The following SPAG16 variants were observed in gnomAD, a reference collection of about 807,000 sequenced individuals.
SPAG16 encodes the protein sperm associated antigen 16, also known as sperm-associated antigen 16 protein.
SPAG16 carries 86 observed loss-of-function variants against 80.4 expected under a neutral mutation model. The ratio of observed to expected loss-of-function variants is 1.07; its 90% CI spans 0.90 to 1.28. The LOEUF is 1.28. Among genes scored for constraint, SPAG16 ranks in the 50% most tolerant of loss-of-function variants. SPAG16 has a pLI of 0.00. For synonymous variants in SPAG16, 294 were observed against 265.9 expected, an observed-to-expected ratio of 1.11 and a Z score of -1.03; for missense variants, 870 against 765.3, an observed-to-expected ratio of 1.14 and a Z score of -1.61.
intron 7 of SPAG16, among the ~76,000 whole-genome samples, chr2:213,353,071 T>G (rs1243505859): frequency 6.6e-6 from 1 of 152,222 alleles, no homozygotes; most frequent in Non-Finnish European, 1.5e-5. Flanking sequence ...TAGCTTAAAG[T>G]CTACAGGCTA....
At chr2:214,337,937 T>G (rs1266181767) in intron 15 of SPAG16, among the ~76,000 whole-genome samples, 1 of 152,188 alleles carries the variant, frequency 6.6e-6, no homozygotes, top group African/African-American at 2.4e-5. Context: ...AGAACTTGGA[T>G]TCCTGCTAGA....
intron 9 of SPAG16, among the ~76,000 whole-genome samples, chr2:213,473,289 G>A (rs914710428): frequency 4.6e-5 from 7 of 152,008 alleles, no homozygotes; most frequent in African/African-American, 1.2e-4. Context: ...GTTGAGTGTC[G>A]CCACTTGGTC....
intron 3 of SPAG16, among the ~76,000 whole-genome samples, chr2:213,303,657 C>A (rs1290396000): frequency 6.6e-6 from 1 of 152,004 alleles, no homozygotes; most frequent in Non-Finnish European, 1.5e-5. Context: ...CTGACTTATT[C>A]CACTTACATA....
At chr2:213,880,044 T>C (rs1260494637) in intron 11 of SPAG16, among the ~76,000 whole-genome samples, 1 of 152,192 alleles carries the variant, frequency 6.6e-6, no homozygotes, top group Non-Finnish European at 1.5e-5. Flanking sequence ...TTTTAAGTTT[T>C]TGAGAAATCT....
intron 15 of SPAG16, chr2:214,238,705 C>A (rs139484867): frequency 4.1e-4 from 62 of 149,848 alleles, no homozygotes; most frequent in African/African-American, 1.5e-3. Context: ...CTACCTCTTC[C>A]CACAAAATCT....
At chr2:214,197,321 C>A (rs1050271319) in intron 15 of SPAG16, among the ~76,000 whole-genome samples, 3 of 151,822 alleles carry the variant, frequency 2.0e-5, no homozygotes, top group African/African-American at 7.2e-5. Flanking sequence ...AGTTTATATT[C>A]CCATTTTGGC....
At chr2:214,027,072 A>C (rs1170899051) in intron 13 of SPAG16, among the ~76,000 whole-genome samples, 1 of 151,578 alleles carries the variant, frequency 6.6e-6, no homozygotes, top group Non-Finnish European at 1.5e-5. Context: ...TCATTATCAC[A>C]CAAGTAAAAC....
intron 10 of SPAG16, among the ~76,000 whole-genome samples, chr2:213,712,148 CATGTAT>C (rs1302178842): frequency 6.6e-5 from 10 of 151,990 alleles, no homozygotes; most frequent in Non-Finnish European, 1.0e-4. Flanking sequence ...TGTATGTATA[CATGTAT>C]ATGTATATAC....
At chr2:214,133,135 A>AG (rs1412002659) in intron 14 of SPAG16, among the ~76,000 whole-genome samples, 1 of 150,106 alleles carries the variant, frequency 6.7e-6, no homozygotes, top group Non-Finnish European at 1.5e-5. Context: ...ATAATAAAAA[A>AG]AAAACCTACC....
chr2:213,672,988 G>A (rs944612148), intron 10 of SPAG16, among the ~76,000 whole-genome samples: 2 of 151,898 alleles, frequency 1.3e-5, no homozygotes, highest in African/African-American at 4.8e-5. Context: ...CAATGATCAG[G>A]TCTTTAACTT....
At chr2:213,934,999 G>A (rs1212759190) in intron 12 of SPAG16, among the ~76,000 whole-genome samples, 5 of 151,848 alleles carry the variant, frequency 3.3e-5, no homozygotes, top group African/African-American at 9.7e-5. Flanking sequence ...TCAGGAGATC[G>A]AGACCATCCT....
At chr2:213,383,369 A>G (rs1424905060) in intron 9 of SPAG16, among the ~76,000 whole-genome samples, 1 of 152,126 alleles carries the variant, frequency 6.6e-6, no homozygotes, top group African/African-American at 2.4e-5. Flanking sequence ...TTCTAGCTCT[A>G]CTTGTTCCTG....
chr2:214,359,572 A>T (rs1048476706), intron 15 of SPAG16, among the ~76,000 whole-genome samples: 2 of 151,898 alleles, frequency 1.3e-5, no homozygotes, highest in Admixed American at 6.6e-5. Flanking sequence ...TTCTTCATCA[A>T]TTGCAGATGA....
chr2:213,313,816 C>T (rs763041408), intron 4 of SPAG16, among the ~76,000 whole-genome samples: 3 of 151,616 alleles, frequency 2.0e-5, no homozygotes, highest in Non-Finnish European at 4.4e-5. Context: ...GTGATAGTCG[C>T]GATAGTGCTG....
At chr2:213,372,492 G>T (rs1459869347) in intron 8 of SPAG16, among the ~76,000 whole-genome samples, 1 of 151,990 alleles carries the variant, frequency 6.6e-6, no homozygotes, top group African/African-American at 2.4e-5. Context: ...TTAATTAATT[G>T]CTGCTTTTTA....
At chr2:214,360,726 A>G (rs1345851649) in intron 15 of SPAG16, among the ~76,000 whole-genome samples, 2 of 151,846 alleles carry the variant, frequency 1.3e-5, no homozygotes, top group Non-Finnish European at 2.9e-5. Context: ...TGAAGGTTCT[A>G]TAATTGAATC....
At chr2:213,678,197 C>T (rs922208698) in intron 10 of SPAG16, among the ~76,000 whole-genome samples, 15 of 151,982 alleles carry the variant, frequency 9.9e-5, no homozygotes, top group Non-Finnish European at 2.1e-4. Flanking sequence ...CCTAACATCA[C>T]AATTAAAAGA....
At chr2:213,690,493 T>C (rs1016716956) in intron 10 of SPAG16, among the ~76,000 whole-genome samples, 1 of 152,188 alleles carries the variant, frequency 6.6e-6, no homozygotes, top group Non-Finnish European at 1.5e-5. Context: ...GGTGTCAACT[T>C]GACTGGATTG....
rs540944150 is a variant in SPAG16, at chr2:213,501,020, T to C, written c.1070+10930T>C. Reference sequence around the variant, plus strand: ...CCGTTCCCAGAGGGGAAAAAGTACCTGTATATTTCTAATCTCCTATCCAAG... The same window carrying C: ...CCGTTCCCAGAGGGGAAAAAGTACCCGTATATTTCTAATCTCCTATCCAAG... On this transcript the variant is annotated intron_variant, in intron 10 of 15. Coordinates refer to ENST00000331683, the MANE Select transcript of SPAG16 (RefSeq NM_024532.5). 4.6e-5 allele frequency among the ~76,000 whole-genome samples: 7 copies of C among 152,328 alleles called. No homozygotes were observed. In the South Asian group the frequency reaches 1.0e-3, roughly 23 times the overall value.
Sources: gnomAD v4.1 joint callset for allele counts (sites outside exome capture counted in the v4.1 genomes callset) on GRCh38, gnomAD v4.1.1 for gene constraint, MANE v1.5 for transcripts, NCBI Gene and HGNC (gene_info 2026-07-23, HGNC 2026-07-21) for gene names.